YTHDC2: variants seen among roughly 807,000 people sequenced by gnomAD.
YTHDC2 encodes the protein YTH N6-methyladenosine RNA binding protein C2.
A neutral mutation model predicts 174.9 loss-of-function variants in YTHDC2; 45 were observed. That is an observed-to-expected ratio of 0.26 (90% CI 0.20 to 0.33). YTHDC2 has a LOEUF of 0.33. YTHDC2 is among the 10% of genes least tolerant of loss of function. The pLI is 1.00. For missense variants in YTHDC2, 1,650 were observed against 1,723.7 expected (o/e 0.96, Z 0.76); for synonymous variants, 657 against 574.5 (o/e 1.14, Z -2.05).
chr5:113,540,714 A>G (rs1042131884), intron 8 of YTHDC2, among the ~76,000 whole-genome samples: 2 of 152,242 alleles, frequency 1.3e-5, no homozygotes, highest in African/African-American at 2.4e-5. Flanking sequence ...CCTGCGAATT[A>G]TAATTCAAGA....
At chr5:113,514,130 A>T (rs553285764) in intron 1 of YTHDC2, 48 bp downstream of exon 1, 1 of 1,570,502 alleles carries the variant, frequency 6.4e-7, no homozygotes, top group South Asian at 1.2e-5. Flanking sequence ...TACCCCCCTC[A>T]CCCCAGCGCC....
intron 7 of YTHDC2, 98 bp downstream of exon 7, chr5:113,535,896 G>C: frequency 9.8e-7 from 1 of 1,024,460 alleles, no homozygotes; most frequent in South Asian, 1.9e-5. Flanking sequence ...CTGAAGTAGA[G>C]GCCATCTATT....
intron 22 of YTHDC2, 107 bp downstream of exon 22, chr5:113,567,404 T>TTTTATATATA (rs770114357): frequency 7.0e-6 from 2 of 286,868 alleles, no homozygotes; most frequent in East Asian, 1.4e-4. Context: ...AATTAATTAG[T>TTTTATATATA]TATATATATA....
rs1033732753 is a variant in YTHDC2 at position 113,541,249 on chromosome 5, T to G, written c.1359+133T>G. On this transcript the variant is annotated intron_variant, in intron 9 of 29. Coordinates refer to ENST00000161863, the MANE Select transcript of YTHDC2 (RefSeq NM_022828.5). ...CTCTGTGGCCCAGGCTGGAGTGGAG[T>G]GGCGTGATCTCGGCTCACTGCAAGC... 10 of 983,958 alleles carry G rather than the reference T, an allele frequency of 1.0e-5. No individual in the cohort carries two copies. The African/African-American group carries it at 1.5e-4, about 15-fold the overall frequency. The allele number at this position is 983,958 out of a possible 1,614,324, so 61.0% of individuals were successfully genotyped here.
intron 4 of YTHDC2, among the ~76,000 whole-genome samples, chr5:113,527,402 G>A (rs1008675982): frequency 1.3e-5 from 2 of 152,324 alleles, no homozygotes; most frequent in African/African-American, 4.8e-5. Flanking sequence ...ATTGGAAGTA[G>A]TAAGTATGAC....
chr5:113,530,634 CATAAG>C (rs1259044788), intron 4 of YTHDC2, among the ~76,000 whole-genome samples: 4 of 151,954 alleles, frequency 2.6e-5, no homozygotes, highest in African/African-American at 4.8e-5. Context: ...TGTACACACA[CATAAG>C]ATATATACAT....
intron 2 of YTHDC2, chr5:113,517,689 T>C (rs953937290): frequency 2.5e-6 from 1 of 399,594 alleles, no homozygotes; most frequent in African/African-American, 2.1e-5. Flanking sequence ...CCTAGCTCCT[T>C]CTCTCTTTTT....
chr5:113,569,166 G>C (rs917442333), intron 23 of YTHDC2, among the ~76,000 whole-genome samples: 1 of 151,912 alleles, frequency 6.6e-6, no homozygotes, highest in Non-Finnish European at 1.5e-5. Context: ...GTGTCTGTTC[G>C]TGTCCTTTGC....
chr5:113,527,720 A>G (rs1250469636), intron 4 of YTHDC2, among the ~76,000 whole-genome samples: 1 of 150,248 alleles, frequency 6.7e-6, no homozygotes, highest in South Asian at 2.1e-4. Flanking sequence ...TGATCCTGTA[A>G]AACTGAATAA....
At position 113,595,006 on chromosome 5, in the gene YTHDC2, G is replaced by A. The variant is rs1779188362; in HGVS notation, c.*1532G>A. On this transcript the variant is annotated 3_prime_UTR_variant, in exon 30 of 30. Transcript: ENST00000161863. ...GAACCTATTTGAATTATATTCCACT[G>A]TATGTGTATTATGGCTCTTTTCCTA... The A allele has an allele frequency of 6.6e-6, 1 of 151,984 alleles. No homozygotes were observed. The highest frequency in any genetic ancestry group is 2.4e-5 in the African/African-American group (1 of 41,386). The allele number at this position is 151,984 out of a possible 1,614,324, so 9.4% of individuals were successfully genotyped here. A position where few individuals can be genotyped will look rare whatever the true frequency, so the allele number is the denominator to read the frequency against.
chr5:113,539,298 TA>T (rs1256299097), intron 8 of YTHDC2, 117 bp downstream of exon 8: 3 of 436,750 alleles, frequency 6.9e-6, no homozygotes, highest in Non-Finnish European at 1.2e-5. Context: ...CTCTTGTATA[TA>T]ATTGTATAAC....
intron 8 of YTHDC2, among the ~76,000 whole-genome samples, chr5:113,540,221 C>G (rs1423334596): frequency 6.6e-6 from 1 of 152,182 alleles, no homozygotes; most frequent in East Asian, 1.9e-4. Flanking sequence ...ATAATTGTAT[C>G]TCAGAAAACT....
At chr5:113,517,814 CT>C (rs1289654802) in intron 2 of YTHDC2, among the ~76,000 whole-genome samples, 1 of 152,102 alleles carries the variant, frequency 6.6e-6, no homozygotes, top group Non-Finnish European at 1.5e-5. Flanking sequence ...TTCTCAAATC[CT>C]TTCTTTTCAT....
Position 113,584,336 on chromosome 5 carries a change from C to T in YTHDC2, c.3682C>T (p.Pro1228Ser), listed in dbSNP as rs1464503996. ...LMKSPSPALH[P>S]PQKYKDRGIL... ...GAAATCTCCATCTCCAGCATTACAC[C>T]CACCTCAGAAGTACAAAGATAGAGG... The change falls in exon 26 of 30, where the codon CCA becomes TCA. Residue 1228 changes from proline (P) to serine (S), a missense_variant. Physicochemically the swap from Pro to Ser is moderately conservative, Grantham distance 74. Transcript: ENST00000161863. 1 of 1,613,162 alleles carries T rather than the reference C, an allele frequency of 6.2e-7. No homozygotes were observed.
chr5:113,554,290 A>G (rs1030994327), intron 16 of YTHDC2, among the ~76,000 whole-genome samples: 3 of 152,082 alleles, frequency 2.0e-5, no homozygotes, highest in Non-Finnish European at 4.4e-5. Flanking sequence ...CAAAGTATAC[A>G]AAAATGTAGC....
At position 113,513,787 on chromosome 5, in the gene YTHDC2, C is replaced by T; in HGVS notation, c.-109C>T. On this transcript the variant is annotated 5_prime_UTR_variant, in exon 1 of 30. Coordinates refer to ENST00000161863, the MANE Select transcript of YTHDC2 (RefSeq NM_022828.5). Reference sequence around the variant, plus strand: ...CTGGTGACCTCAGCCCAACACAGGCCGTCTCCGGAGCTTCCCGGTAGTGGC... The same window carrying T: ...CTGGTGACCTCAGCCCAACACAGGCTGTCTCCGGAGCTTCCCGGTAGTGGC... 1 of 1,271,534 alleles carries T rather than the reference C, an allele frequency of 7.9e-7. No homozygotes were observed. Among genetic ancestry groups the T allele is most frequent in the Non-Finnish European group, 1.1e-6 (1 of 952,272 alleles). 78.8% of individuals were successfully genotyped at this position (1,271,534 alleles called of 1,614,324 possible).
intron 12 of YTHDC2, among the ~76,000 whole-genome samples, chr5:113,549,392 G>C (rs955809328): frequency 8.5e-5 from 13 of 152,210 alleles, no homozygotes; most frequent in Middle Eastern, 3.4e-3. Flanking sequence ...TGTTAATTTT[G>C]GGATGATAGA....
At chr5:113,589,004 A>G (rs1290980832) in intron 26 of YTHDC2, among the ~76,000 whole-genome samples, 1 of 152,130 alleles carries the variant, frequency 6.6e-6, no homozygotes, top group African/African-American at 2.4e-5. Context: ...AAATGCTATA[A>G]TGTATTGTTT....
intron 23 of YTHDC2, among the ~76,000 whole-genome samples, chr5:113,568,149 GA>G (rs1401677347): frequency 6.6e-6 from 1 of 151,998 alleles, no homozygotes; most frequent in African/African-American, 2.4e-5. Flanking sequence ...AATTGTAAAA[GA>G]AATAATAGCC....
Sources: allele counts gnomAD v4.1 joint callset (sites outside exome capture counted in the v4.1 genomes callset), GRCh38; gene constraint gnomAD v4.1.1; transcripts MANE v1.5; gene names NCBI Gene and HGNC (gene_info 2026-07-23, HGNC 2026-07-21).